Variants in CFAP57 observed in about 807,000 individuals in gnomAD.
CFAP57 encodes cilia and flagella associated protein 57.
CFAP57 carries 116 observed loss-of-function variants against 146.8 expected under a neutral mutation model. The observed-to-expected ratio is 0.79, with a 90% CI of 0.68 to 0.92. The LOEUF (loss-of-function observed/expected upper bound fraction) is 0.92, where lower values mean the gene tolerates loss of function less well. Among genes scored for constraint, CFAP57 ranks in the 40% least tolerant of loss-of-function variants. CFAP57 has a pLI of 0.00. For missense variants in CFAP57, 1,377 were observed against 1,527.2 expected, an observed-to-expected ratio of 0.90 and a Z score of 1.64; for synonymous variants, 518 against 552.8, an observed-to-expected ratio of 0.94 and a Z score of 0.88.
chr1:43,177,137 G>C (rs1645203910), intron 2 of CFAP57: 2 of 456,164 alleles, frequency 4.4e-6, no homozygotes, highest in African/African-American at 2.0e-5. Flanking sequence ...TCTGGCTGCT[G>C]TACAGAGGAC....
Position 43,185,368 on chromosome 1 carries a change from A to AG in CFAP57, c.969+13dup. ...GCAGAGAAATCAGGGTAAGGCGGGAAGAAAAAAAAGAAGTAAAATGGGGGT... is the reference window on the plus strand; with the variant it reads ...GCAGAGAAATCAGGGTAAGGCGGGAAGGAAAAAAAAGAAGTAAAATGGGGGT... On this transcript the variant is annotated intron_variant, in intron 5 of 22. Coordinates refer to ENST00000372492, the MANE Select transcript of CFAP57 (RefSeq NM_001378189.1). 6.2e-7 allele frequency: 1 copy of AG among 1,612,950 alleles called. No individual in the cohort carries two copies. The highest frequency in any genetic ancestry group is 8.5e-7 in the Non-Finnish European group (1 of 1,179,120).
chr1:43,207,757 C>T (rs372025920), intron 10 of CFAP57, among the ~76,000 whole-genome samples: 1 of 152,218 alleles, frequency 6.6e-6, no homozygotes, highest in Admixed American at 6.5e-5. Flanking sequence ...GTGCGCTCCT[C>T]CAGCTGGTTC....
intron 18 of CFAP57, among the ~76,000 whole-genome samples, chr1:43,227,834 A>G (rs1020071258): frequency 6.6e-6 from 1 of 152,126 alleles, no homozygotes; most frequent in African/African-American, 2.4e-5. Context: ...CCCTTCCTCC[A>G]GTTTTCCCTC....
chr1:43,172,950 G>A (rs1419252901), intron 2 of CFAP57, 40 bp downstream of exon 2: 2 of 1,572,586 alleles, frequency 1.3e-6, no homozygotes, highest in Admixed American at 1.7e-5. Flanking sequence ...GGAATGGTAT[G>A]TGCCACATAT....
chr1:43,208,193 C>G (rs1644437601), intron 10 of CFAP57, among the ~76,000 whole-genome samples: 1 of 152,200 alleles, frequency 6.6e-6, no homozygotes, highest in African/African-American at 2.4e-5. Context: ...TAATTTTACA[C>G]TGTTGGTGGG....
At chr1:43,253,950 C>T in intron 22 of CFAP57, 27 bp from the exon 23 acceptor site, 1 of 1,546,724 alleles carries the variant, frequency 6.5e-7, no homozygotes, top group South Asian at 1.2e-5. Flanking sequence ...ATGGACAGGC[C>T]CACATGAGTC....
intron 18 of CFAP57, among the ~76,000 whole-genome samples, chr1:43,227,848 CAGTT>C (rs1165731514): frequency 6.6e-6 from 1 of 152,198 alleles, no homozygotes; most frequent in Non-Finnish European, 1.5e-5. Flanking sequence ...TTCCCTCTCT[CAGTT>C]AGTGGTCTAT....
Position 43,215,342 on chromosome 1 carries a change from C to A in CFAP57, c.2017C>A (p.Arg673=), listed in dbSNP as rs777001077. The A allele has an allele frequency of 6.4e-7, 1 of 1,551,152 alleles. No homozygotes were observed. Among genetic ancestry groups the A allele is most frequent in the African/African-American group, 1.4e-5 (1 of 73,124 alleles). Residue 673 remains arginine, a synonymous_variant, in exon 12 of 23, where the codon CGG becomes AGG. Coordinates refer to ENST00000372492, the MANE Select transcript of CFAP57 (RefSeq NM_001378189.1). ...CTGGAAGGTCTTTGATAAGGATGGC[C>A]GGGGAATCAAGCGAGAGAGGGAGGT... ...FTWKVFDKDG[R]GIKREREVGF... is the part of the protein sequence containing the mutation.
At chr1:43,211,644 T>A (rs924030383) in intron 11 of CFAP57, 3 of 151,926 alleles carry the variant, frequency 2.0e-5, no homozygotes, top group African/African-American at 7.3e-5. Context: ...TACATTTCCA[T>A]GTGTGTGTGT....
Position 43,181,652 on chromosome 1 carries a change from C to A in CFAP57, c.276C>A (p.Ile92=). The A allele has an allele frequency of 1.2e-6, 2 of 1,614,250 alleles. No individual in the cohort carries two copies. Among genetic ancestry groups the A allele is most frequent in the Non-Finnish European group, 1.7e-6 (2 of 1,180,046 alleles). Residue 92 remains isoleucine (I), a synonymous_variant, in exon 3 of 23, where the codon ATC becomes ATA. Transcript: ENST00000372492. The part of the protein sequence containing the change: ...PAITIYELSS[I]PCRKRKVLNN... ...TCACCATTTATGAATTGTCATCCAT[C>A]CCTTGCCGGAAGCGCAAAGTTCTTA...
rs780073816 is a variant in CFAP57 at position 43,234,342 on chromosome 1, A to G, written c.3190A>G (p.Ile1064Val). Residue 1064 changes from isoleucine (I) to valine (V), a missense_variant, in exon 20 of 23, where the codon ATT (isoleucine) becomes GTT (valine). Transcript: ENST00000372492. Reference sequence around the variant, plus strand: ...AGACCTCCACAACTGCGTAGCCTATATTCAGGAACCGCGGCTGCTGAAGGA... The same window carrying G: ...AGACCTCCACAACTGCGTAGCCTATGTTCAGGAACCGCGGCTGCTGAAGGA... ...KTDLHNCVAY[I>V]QEPRLLKEKV... The G allele has an allele frequency of 5.8e-6, 9 of 1,550,338 alleles. No individual in the cohort carries two copies. The highest frequency in any genetic ancestry group is 7.8e-6 in the Non-Finnish European group (9 of 1,146,924).
intron 6 of CFAP57, among the ~76,000 whole-genome samples, chr1:43,191,926 CTATGT>C: frequency 6.6e-6 from 1 of 151,792 alleles, no homozygotes; most frequent in Non-Finnish European, 1.5e-5. Flanking sequence ...ATAAATTTTG[CTATGT>C]TATGTCTTTA....
intron 9 of CFAP57, among the ~76,000 whole-genome samples, chr1:43,203,888 C>G (rs1644241863): frequency 6.6e-6 from 1 of 152,184 alleles, no homozygotes; most frequent in African/African-American, 2.4e-5. Context: ...TGTTTTTCAA[C>G]AAATTTGAGA....
intron 8 of CFAP57, 88 bp from the exon 9 acceptor site, chr1:43,199,302 C>A: frequency 2.4e-6 from 3 of 1,264,406 alleles, no homozygotes; most frequent in Non-Finnish European, 3.5e-6. Flanking sequence ...TCAGTCTGAA[C>A]TCGTTGGGAA....
At position 43,221,388 on chromosome 1, in the gene CFAP57, A is replaced by G; in HGVS notation, c.2264A>G (p.Lys755Arg). The G allele has an allele frequency of 6.5e-7, 1 of 1,542,826 alleles. No individual in the cohort carries two copies. The highest frequency in any genetic ancestry group is 1.2e-5 in the South Asian group (1 of 82,534). The change falls in exon 14 of 23, where the codon AAA becomes AGA. Residue 755 changes from lysine to arginine, a missense_variant. By Grantham distance (26) the Lys-to-Arg change is conservative. Coordinates refer to ENST00000372492, the MANE Select transcript of CFAP57 (RefSeq NM_001378189.1). ...CTGTTTTAGGTCTTAAGAACAGAAA[A>G]AGAGAAGCAGGATGTTTATCACCAT... ...KTKNQVLRTEKEKQDVYHHEH... is the reference protein window; with the variant it reads ...KTKNQVLRTEREKQDVYHHEH...
Position 43,181,705 on chromosome 1 carries a change from T to G in CFAP57, c.329T>G (p.Phe110Cys). The G allele has an allele frequency of 6.2e-7, 1 of 1,614,136 alleles. No homozygotes were observed. Among genetic ancestry groups the G allele is most frequent in the African/African-American group, 1.3e-5 (1 of 75,024 alleles). The stretch of plus-strand genomic sequence containing the variant: ...AATTTTGACTTCCAAGTTCAGAAAT[T>G]TATTAGCATGGCTTTTTCTCCAGAC... ...LNNFDFQVQKFISMAFSPDSK... is the reference protein window; with the variant it reads ...LNNFDFQVQKCISMAFSPDSK... The change falls in exon 3 of 23, where the codon TTT becomes TGT. Residue 110 changes from phenylalanine (F) to cysteine (C), a missense_variant. Phe to Cys is a radical substitution (Grantham distance 205). Coordinates refer to ENST00000372492, the MANE Select transcript of CFAP57 (RefSeq NM_001378189.1).
intron 14 of CFAP57, 35 bp downstream of exon 14, chr1:43,221,500 T>A: frequency 1.4e-6 from 2 of 1,413,590 alleles, no homozygotes; most frequent in Non-Finnish European, 1.9e-6. Context: ...TTGGTTAGGG[T>A]TGGAAGAGCT....
chr1:43,227,635 T>G (rs2124586769), intron 18 of CFAP57, among the ~76,000 whole-genome samples: 1 of 152,240 alleles, frequency 6.6e-6, no homozygotes, highest in South Asian at 2.1e-4. Flanking sequence ...GCAAACAGGA[T>G]GAAGGTAGAG....
chr1:43,202,128 A>AT (rs982100116), intron 9 of CFAP57, among the ~76,000 whole-genome samples: 8 of 152,230 alleles, frequency 5.3e-5, no homozygotes, highest in African/African-American at 1.9e-4. Flanking sequence ...CATGTGTAAC[A>AT]TTTTTTACAA....
Sources: allele counts gnomAD v4.1 joint callset (sites outside exome capture counted in the v4.1 genomes callset), GRCh38; gene constraint gnomAD v4.1.1; transcripts MANE v1.5; gene names NCBI Gene and HGNC (gene_info 2026-07-23, HGNC 2026-07-21).